Variants in TENM1 observed in about 807,000 individuals in gnomAD.
The protein encoded by TENM1 is teneurin-1.
In TENM1, 35 loss-of-function variants were observed where a neutral mutation model predicts 174.8. The ratio of observed to expected loss-of-function variants is 0.20; its 90% CI spans 0.15 to 0.27. The LOEUF (loss-of-function observed/expected upper bound fraction) is 0.27. TENM1 is among the 10% of genes least tolerant of loss of function. The pLI is 1.00. For missense variants in TENM1, 1,633 were observed against 2,130.1 expected (o/e 0.77, Z 4.59); for synonymous variants, 781 against 798.7 (o/e 0.98, Z 0.37).
At chrX:124,383,638 G>A in exon 30 of TENM1, 2 of 1,205,841 alleles carry the variant, frequency 1.7e-6, no homozygotes, top group Non-Finnish European at 2.2e-6. Context: ...AAATACCTGT[G>A]GTATACTTTG....
chrX:124,496,910 G>A, intron 20 of TENM1, 106 bp downstream of exon 23: 2 of 835,384 alleles, frequency 2.4e-6, no homozygotes, highest in Non-Finnish European at 3.4e-6. Flanking sequence ...GCTACAATAG[G>A]GGCAACTACA....
intron 18 of TENM1, among the ~76,000 whole-genome samples, chrX:124,510,799 G>A (rs1424639892): frequency 9.5e-5 from 1 of 10,485 alleles, no homozygotes. Context: ...CACACTTGAA[G>A]TTTTTCTGAG....
At chrX:124,401,172 T>G (rs2060394967) in intron 27 of TENM1, among the ~76,000 whole-genome samples, 1 of 111,770 alleles carries the variant, frequency 8.9e-6, no homozygotes, top group African/African-American at 3.3e-5. Flanking sequence ...GTCTATCCTT[T>G]TCTGATTTTT....
chrX:124,417,604 T>A (rs1051455507), intron 25 of TENM1, among the ~76,000 whole-genome samples: 4 of 111,308 alleles, frequency 3.6e-5, no homozygotes, highest in African/African-American at 1.3e-4. Context: ...AGAGATCTCA[T>A]CCCATCTCAT....
intron 3 of TENM1, among the ~76,000 whole-genome samples, chrX:124,745,049 C>A (rs1380438776): frequency 9.0e-6 from 1 of 111,704 alleles, no homozygotes; most frequent in African/African-American, 3.2e-5. Context: ...AAGCAAAAGG[C>A]AAAAATTCTA....
At chrX:124,454,650 C>T (rs2061084508) in intron 22 of TENM1, among the ~76,000 whole-genome samples, 1 of 111,743 alleles carries the variant, frequency 8.9e-6, no homozygotes, top group Non-Finnish European at 1.9e-5. Flanking sequence ...GATCCACCTG[C>T]CTCGGCCTCC....
At chrX:124,877,153 T>A (rs762344148) in intron 3 of TENM1, among the ~76,000 whole-genome samples, 1 of 112,106 alleles carries the variant, frequency 8.9e-6, no homozygotes, top group South Asian at 3.6e-4. Context: ...GAGGAAAAAA[T>A]TCCAAATTAT....
intron 3 of TENM1, among the ~76,000 whole-genome samples, chrX:124,805,730 C>A (rs769011186): frequency 1.6e-4 from 18 of 112,960 alleles, no homozygotes; most frequent in Non-Finnish European, 3.2e-4. Flanking sequence ...TGGCATAGGG[C>A]ACTCCCCTAG....
the TENM1 span, among the ~76,000 whole-genome samples, chrX:125,192,950 A>C: frequency 1.8e-5 from 2 of 111,711 alleles, no homozygotes; most frequent in South Asian, 7.5e-4. Flanking sequence ...ATTTATGTTG[A>C]TTACTGAAGG....
chrX:124,489,839 T>C (rs1025109532), intron 20 of TENM1, among the ~76,000 whole-genome samples: 2 of 111,394 alleles, frequency 1.8e-5, no homozygotes, highest in African/African-American at 3.3e-5. Flanking sequence ...ACATTTGACA[T>C]TGAAGAATGG....
At chrX:124,878,990 T>C (rs1036322014) in intron 3 of TENM1, among the ~76,000 whole-genome samples, 3 of 112,312 alleles carry the variant, frequency 2.7e-5, no homozygotes, top group Non-Finnish European at 3.8e-5. Context: ...TTTTTAAATG[T>C]TTTTATTGAG....
chrX:124,747,792 G>A (rs1190083936), intron 3 of TENM1, among the ~76,000 whole-genome samples: 1 of 110,499 alleles, frequency 9.0e-6, no homozygotes, highest in African/African-American at 3.3e-5. Flanking sequence ...TATTAACACT[G>A]GAGGTCTGGA....
chrX:124,699,734 G>T (rs942920302), intron 5 of TENM1, among the ~76,000 whole-genome samples: 2 of 111,171 alleles, frequency 1.8e-5, no homozygotes, highest in Admixed American at 9.6e-5. Context: ...AACATGGTGG[G>T]GATAAAACTT....
At chrX:124,665,644 C>T (rs1319149169) in intron 6 of TENM1, among the ~76,000 whole-genome samples, 1 of 112,098 alleles carries the variant, frequency 8.9e-6, no homozygotes. Flanking sequence ...GCTCATTATT[C>T]TTCCTTAACT....
At chrX:124,877,933 T>A (rs1202199114) in intron 3 of TENM1, among the ~76,000 whole-genome samples, 2 of 111,295 alleles carry the variant, frequency 1.8e-5, no homozygotes, top group African/African-American at 6.5e-5. Context: ...ATCAAGAAAA[T>A]CATAAGGAAG....
chrX:124,406,482 G>A, exon 26 of TENM1: 1 of 1,190,421 alleles, frequency 8.4e-7, no homozygotes, highest in Non-Finnish European at 1.1e-6. Context: ...TGTCCCTCGG[G>A]GTCATACCTG....
At chrX:124,518,254 C>T (rs758628035) in intron 18 of TENM1, among the ~76,000 whole-genome samples, 1 of 110,140 alleles carries the variant, frequency 9.1e-6, no homozygotes, top group East Asian at 2.9e-4. Context: ...AGTTTGTTCT[C>T]TTTCTACAGT....
intron 1 of TENM1, among the ~76,000 whole-genome samples, chrX:124,927,032 G>A (rs1471977081): frequency 9.0e-6 from 1 of 111,653 alleles, no homozygotes; most frequent in Non-Finnish European, 1.9e-5. Context: ...AAATCATAAC[G>A]ACAACAATTT....
Position 124,426,853 on chromosome X carries a change from G to A in TENM1, c.4105-4215C>T, listed in dbSNP as rs189421760. 1.2e-4 allele frequency among the ~76,000 whole-genome samples: 14 copies of A among 112,035 alleles called. 1 individual carries two copies. The East Asian group carries it at 3.1e-3, about 25-fold the overall frequency. ...CTTAACAGCTCCCAGAGCAGTTTGC[G>A]GTGATGTGTTCCTCAGCACGTCTGT... On this transcript the variant is annotated intron_variant, in intron 23 of 31. Transcript: ENST00000422452.
Sources: gnomAD v4.1 joint callset for allele counts (sites outside exome capture counted in the v4.1 genomes callset) on GRCh38, gnomAD v4.1.1 for gene constraint, MANE v1.5 for transcripts, NCBI Gene and HGNC (gene_info 2026-07-23, HGNC 2026-07-21) for gene names.